CPED1: variants seen among roughly 807,000 people sequenced by gnomAD.
CPED1 encodes cadherin-like and PC-esterase domain-containing protein 1.
In CPED1, 114 loss-of-function variants were observed where a neutral mutation model predicts 128.2. That is an observed-to-expected ratio of 0.89 (90% CI 0.76 to 1.04). CPED1 has a LOEUF of 1.04. Among genes scored for constraint, CPED1 ranks in the 50% least tolerant of loss-of-function variants. The probability of loss-of-function intolerance (pLI) is 0.00; values close to 1 mark genes in which losing one functional copy is unlikely to be tolerated. For synonymous variants in CPED1, 462 were observed against 426.7 expected (o/e 1.08, Z -1.02); for missense variants, 1,211 against 1,207.1 (o/e 1.00, Z -0.05).
intron 16 of CPED1, among the ~76,000 whole-genome samples, chr7:121,183,043 A>G (rs1026345452): frequency 3.3e-5 from 5 of 152,088 alleles, no homozygotes; most frequent in African/African-American, 9.7e-5. Context: ...GCAAAAATGT[A>G]TGAATCATCC....
At chr7:121,146,604 T>A (rs1173454557) in intron 16 of CPED1, among the ~76,000 whole-genome samples, 2 of 152,154 alleles carry the variant, frequency 1.3e-5, no homozygotes, top group Non-Finnish European at 2.9e-5. Context: ...AGATAAAGCA[T>A]ACCAGTCAAT....
intron 16 of CPED1, among the ~76,000 whole-genome samples, chr7:121,202,124 C>G (rs1797413640): frequency 6.6e-6 from 1 of 152,118 alleles, no homozygotes; most frequent in African/African-American, 2.4e-5. Flanking sequence ...TAAGCATCTC[C>G]AGAACATTAC....
At chr7:120,992,360 G>A (rs1304802647) in intron 2 of CPED1, among the ~76,000 whole-genome samples, 2 of 152,034 alleles carry the variant, frequency 1.3e-5, no homozygotes, top group East Asian at 3.8e-4. Flanking sequence ...TTTTGACCTA[G>A]GGTTCATGGA....
At chr7:121,099,389 AC>A (rs1270648542) in intron 6 of CPED1, among the ~76,000 whole-genome samples, 3 of 152,026 alleles carry the variant, frequency 2.0e-5, no homozygotes, top group Non-Finnish European at 4.4e-5. Flanking sequence ...TTTATTTGAG[AC>A]AAAGTCTTGC....
chr7:121,110,970 T>C (rs1318104515), intron 7 of CPED1, among the ~76,000 whole-genome samples: 1 of 151,914 alleles, frequency 6.6e-6, no homozygotes, highest in Admixed American at 6.6e-5. Context: ...GGTGTTGGGG[T>C]GTGAGAGGCT....
At chr7:121,269,097 G>A (rs140363690) in intron 21 of CPED1, among the ~76,000 whole-genome samples, 1 of 152,018 alleles carries the variant, frequency 6.6e-6, no homozygotes, top group South Asian at 2.1e-4. Context: ...AAAATACCTG[G>A]TATACAAGTA....
At chr7:121,149,445 A>T (rs549041865) in intron 16 of CPED1, 2 of 152,228 alleles carry the variant, frequency 1.3e-5, no homozygotes, top group Non-Finnish European at 2.9e-5. Context: ...TCATGAGGTC[A>T]TGCCACTTAC....
rs1584567812 is a variant in CPED1, at chr7:121,172,663, T to TAGATAGATAGATAGATAGAC, written c.2055+30541_2055+30542insCAGATAGATAGATAGATAGA. ...GTGGGTGGTTGGATGGATGGATACA[T>TAGATAGATAGATAGATAGAC]AGATAGATAGATAGATAGATAGATA... On this transcript the variant is annotated intron_variant, in intron 16 of 22. Coordinates refer to ENST00000310396, the MANE Select transcript of CPED1 (RefSeq NM_024913.5). Among the ~76,000 whole-genome samples, 4 of 144,286 alleles carry TAGATAGATAGATAGATAGAC rather than the reference T, an allele frequency of 2.8e-5. No individual in the cohort carries two copies. In the East Asian group the frequency reaches 5.9e-4, roughly 21 times the overall value. 94.7% of individuals were successfully genotyped at this position (144,286 alleles called of 152,430 possible). A position where few individuals can be genotyped will look rare whatever the true frequency, so the allele number is the denominator to read the frequency against.
chr7:121,122,663 C>T (rs1017089643), intron 7 of CPED1, among the ~76,000 whole-genome samples: 1 of 152,196 alleles, frequency 6.6e-6, no homozygotes, highest in African/African-American at 2.4e-5. Context: ...TACCTATGTA[C>T]TATGCAACTT....
chr7:121,029,793 T>C (rs189440982), intron 3 of CPED1, among the ~76,000 whole-genome samples: 1 of 152,344 alleles, frequency 6.6e-6, no homozygotes, highest in East Asian at 1.9e-4. Flanking sequence ...TCTTGTCTTG[T>C]CACATTGAGT....
intron 3 of CPED1, among the ~76,000 whole-genome samples, chr7:121,046,029 C>G (rs1793185194): frequency 6.6e-6 from 1 of 151,442 alleles, no homozygotes; most frequent in African/African-American, 2.4e-5. Flanking sequence ...TGATCTATAT[C>G]TATATGTAGA....
intron 16 of CPED1, among the ~76,000 whole-genome samples, chr7:121,189,116 T>A (rs1286255098): frequency 6.6e-6 from 1 of 152,146 alleles, no homozygotes; most frequent in East Asian, 1.9e-4. Context: ...ATAATGGTGT[T>A]CCATTCTACC....
chr7:121,187,538 G>A (rs1797030865), intron 16 of CPED1, among the ~76,000 whole-genome samples: 1 of 152,030 alleles, frequency 6.6e-6, no homozygotes, highest in African/African-American at 2.4e-5. Flanking sequence ...TAGGTTTTGT[G>A]TTCATTGGAT....
chr7:121,199,353 G>A (rs919572652), intron 16 of CPED1, among the ~76,000 whole-genome samples: 3 of 151,938 alleles, frequency 2.0e-5, no homozygotes, highest in Non-Finnish European at 2.9e-5. Flanking sequence ...ATATTTTCAT[G>A]AGGTATATGG....
intron 7 of CPED1, among the ~76,000 whole-genome samples, chr7:121,122,436 C>T (rs1446971297): frequency 1.3e-5 from 2 of 152,144 alleles, no homozygotes; most frequent in Non-Finnish European, 1.5e-5. Context: ...CCACCATGCC[C>T]GGCTGTCTTG....
intron 7 of CPED1, among the ~76,000 whole-genome samples, chr7:121,122,139 A>ATTTTTTT (rs34817474): frequency 7.9e-6 from 1 of 127,312 alleles, no homozygotes; most frequent in East Asian, 2.2e-4. Context: ...ACTCATCTGG[A>ATTTTTTT]TTTTTTTTTT....
At chr7:121,169,648 C>T (rs1164437480) in intron 16 of CPED1, among the ~76,000 whole-genome samples, 1 of 152,006 alleles carries the variant, frequency 6.6e-6, no homozygotes, top group Non-Finnish European at 1.5e-5. Context: ...ATCCCAGTGC[C>T]TGATGTAATA....
At position 121,247,249 on chromosome 7, in the gene CPED1, A is replaced by G. The variant is rs537055087; in HGVS notation, c.2310+2911A>G. On this transcript the variant is annotated intron_variant, in intron 18 of 22. Coordinates refer to ENST00000310396, the MANE Select transcript of CPED1 (RefSeq NM_024913.5). ...AACGCATACCTACAAACATGTTTAC[A>G]TGCATAGAGAATTTCTTGAAGTAAC... 7.9e-5 allele frequency among the ~76,000 whole-genome samples: 12 copies of G among 152,348 alleles called. No homozygotes were observed. The East Asian group carries it at 1.7e-3, about 22-fold the overall frequency.
chr7:121,171,007 G>A (rs566079937), intron 16 of CPED1, among the ~76,000 whole-genome samples: 11 of 151,888 alleles, frequency 7.2e-5, no homozygotes, highest in African/African-American at 2.7e-4. Context: ...CCAAGATCGA[G>A]CCACTGCACT....
Sources: allele counts gnomAD v4.1 joint callset (sites outside exome capture counted in the v4.1 genomes callset), GRCh38; gene constraint gnomAD v4.1.1; transcripts MANE v1.5; gene names NCBI Gene and HGNC (gene_info 2026-07-23, HGNC 2026-07-21).